TBC1D14: variants seen among roughly 807,000 people sequenced by gnomAD.
The protein encoded by TBC1D14 is TBC1 domain family member 14, also known as TBC1 domain family, member 14.
TBC1D14 carries 26 observed loss-of-function variants against 79.0 expected under a neutral mutation model. That is an observed-to-expected ratio of 0.33 (90% CI 0.24 to 0.46). The LOEUF is 0.46. Among genes scored for constraint, TBC1D14 ranks in the 20% least tolerant of loss-of-function variants. TBC1D14 has a pLI of 1.00. For missense variants in TBC1D14, 769 were observed against 887.6 expected (o/e 0.87, Z 1.70); for synonymous variants, 394 against 349.9 (o/e 1.13, Z -1.40).
chr4:7,028,008 CCA>C (rs1487851527), intron 13 of TBC1D14, among the ~76,000 whole-genome samples: 1 of 145,804 alleles, frequency 6.9e-6, no homozygotes, highest in Non-Finnish European at 1.5e-5. Context: ...ACACATCACC[CCA>C]CACACACCCA....
At chr4:6,962,774 G>A (rs903100276) in intron 2 of TBC1D14, among the ~76,000 whole-genome samples, 1 of 152,112 alleles carries the variant, frequency 6.6e-6, no homozygotes, top group African/African-American at 2.4e-5. Context: ...CCTGCTGAGA[G>A]GTTACCTCTG....
chr4:7,028,962 C>G (rs55688389), intron 13 of TBC1D14, among the ~76,000 whole-genome samples: 11,569 of 152,196 alleles, frequency 0.076, 506 homozygotes, highest in African/African-American at 0.12. Context: ...CTCAATCTCC[C>G]AAGTAGCTGG....
chr4:7,021,054 C>T (rs1035877914), intron 12 of TBC1D14, among the ~76,000 whole-genome samples: 2 of 152,182 alleles, frequency 1.3e-5, no homozygotes, highest in African/African-American at 4.8e-5. Context: ...CCGTGGATGC[C>T]GTCTTCCTCC....
At chr4:6,939,599 G>C (rs1712706926) in intron 2 of TBC1D14, among the ~76,000 whole-genome samples, 1 of 152,072 alleles carries the variant, frequency 6.6e-6, no homozygotes, top group Admixed American at 6.5e-5. Flanking sequence ...CGTCAGTCTT[G>C]GGGATGTAAC....
intron 2 of TBC1D14, among the ~76,000 whole-genome samples, chr4:6,937,584 C>A (rs59878365): frequency 0.066 from 10,028 of 152,160 alleles, 421 homozygotes; most frequent in African/African-American, 0.11. Context: ...GGGAAGGAAG[C>A]GTTGCTGGGG....
At chr4:6,935,907 G>A (rs1392678830) in intron 2 of TBC1D14, among the ~76,000 whole-genome samples, 1 of 152,112 alleles carries the variant, frequency 6.6e-6, no homozygotes, top group Non-Finnish European at 1.5e-5. Context: ...GCCTCCCAAA[G>A]TGCTGGGATT....
intron 2 of TBC1D14, among the ~76,000 whole-genome samples, chr4:6,941,171 GGAAA>G: frequency 6.7e-6 from 1 of 149,870 alleles, no homozygotes; most frequent in Non-Finnish European, 1.5e-5. Context: ...CTGTATCTGA[GGAAA>G]GCAGCTTTTT....
chr4:7,013,454 C>A (rs1720970515), intron 11 of TBC1D14, among the ~76,000 whole-genome samples: 1 of 152,266 alleles, frequency 6.6e-6, no homozygotes, highest in Non-Finnish European at 1.5e-5. Flanking sequence ...GGGCCACTAT[C>A]AGACGGGTGC....
At chr4:6,957,358 A>G (rs1714738564) in intron 2 of TBC1D14, among the ~76,000 whole-genome samples, 1 of 152,272 alleles carries the variant, frequency 6.6e-6, no homozygotes, top group African/African-American at 2.4e-5. Flanking sequence ...TGCCTGGAAC[A>G]GTGTGTGACT....
At chr4:7,025,945 C>G (rs1280269196) in intron 13 of TBC1D14, among the ~76,000 whole-genome samples, 1 of 152,198 alleles carries the variant, frequency 6.6e-6, no homozygotes, top group African/African-American at 2.4e-5. Flanking sequence ...GTTCTTGATC[C>G]TGCATACACT....
intron 3 of TBC1D14, among the ~76,000 whole-genome samples, chr4:6,989,260 C>T (rs1428487056): frequency 2.6e-5 from 4 of 152,164 alleles, no homozygotes; most frequent in Non-Finnish European, 4.4e-5. Context: ...ACCTCATAGT[C>T]TCTCCTCTGG....
At chr4:6,910,752 G>C (rs1291524150) in intron 1 of TBC1D14, among the ~76,000 whole-genome samples, 1 of 152,196 alleles carries the variant, frequency 6.6e-6, no homozygotes, top group African/African-American at 2.4e-5. Flanking sequence ...GACCGCGCCT[G>C]ACCAGGCCAC....
intron 1 of TBC1D14, among the ~76,000 whole-genome samples, chr4:6,915,922 CT>C (rs1435713065): frequency 6.6e-6 from 1 of 150,960 alleles, no homozygotes; most frequent in Non-Finnish European, 1.5e-5. Flanking sequence ...CAAAACCAGT[CT>C]GGCCAACATG....
intron 1 of TBC1D14, among the ~76,000 whole-genome samples, chr4:6,922,574 C>G (rs1004198135): frequency 2.6e-5 from 4 of 152,138 alleles, no homozygotes; most frequent in Non-Finnish European, 4.4e-5. Flanking sequence ...GTGGAGAGGC[C>G]TGGCTGCTGC....
At chr4:6,934,895 T>C (rs1013856518) in intron 2 of TBC1D14, among the ~76,000 whole-genome samples, 5 of 151,782 alleles carry the variant, frequency 3.3e-5, no homozygotes, top group African/African-American at 9.7e-5. Context: ...CTGGGCAAAA[T>C]AGTGAGACCC....
At chr4:6,963,511 G>A (rs1051287022) in intron 2 of TBC1D14, among the ~76,000 whole-genome samples, 2 of 152,244 alleles carry the variant, frequency 1.3e-5, no homozygotes, top group South Asian at 2.1e-4. Context: ...ACCTGAGAGT[G>A]ATGTTTGGTC....
chr4:7,005,912 A>G (rs1266646170), intron 8 of TBC1D14, among the ~76,000 whole-genome samples: 2 of 152,232 alleles, frequency 1.3e-5, no homozygotes, highest in African/African-American at 4.8e-5. Flanking sequence ...TGCCTTTAGA[A>G]TTCTCCATAA....
intron 11 of TBC1D14, among the ~76,000 whole-genome samples, chr4:7,011,918 T>C (rs1720813795): frequency 6.6e-6 from 1 of 152,160 alleles, no homozygotes; most frequent in Non-Finnish European, 1.5e-5. Flanking sequence ...GATCTAATAC[T>C]TTAGATCATC....
At chr4:7,027,101 C>A (rs770952103) in intron 13 of TBC1D14, among the ~76,000 whole-genome samples, 4 of 152,034 alleles carry the variant, frequency 2.6e-5, no homozygotes, top group Non-Finnish European at 5.9e-5. Flanking sequence ...ATCCCAGCTA[C>A]TCGGGAGGCT....
Sources: allele counts gnomAD v4.1 joint callset (sites outside exome capture counted in the v4.1 genomes callset), GRCh38; gene constraint gnomAD v4.1.1; transcripts MANE v1.5; gene names NCBI Gene and HGNC (gene_info 2026-07-23, HGNC 2026-07-21).